Variants in YWHAB observed in about 807,000 individuals in gnomAD.
YWHAB encodes tyrosine 3-monooxygenase/tryptophan 5-monooxygenase activation protein beta, also known as 14-3-3 protein beta/alpha.
Under a neutral mutation model 28.5 loss-of-function variants are expected in YWHAB, and 2 were observed. That is an observed-to-expected ratio of 0.07 (90% confidence interval 0.03 to 0.22). YWHAB has a LOEUF of 0.22. Among genes scored for constraint, YWHAB ranks in the 10% least tolerant of loss-of-function variants. YWHAB has a pLI of 1.00. For synonymous variants in YWHAB, 103 were observed against 104.7 expected (o/e 0.98, Z 0.10); for missense variants, 148 against 297.1 (o/e 0.50, Z 3.69).
At chr20:44,888,636 A>G (rs1446404446) in intron 1 of YWHAB, among the ~76,000 whole-genome samples, 2 of 152,200 alleles carry the variant, frequency 1.3e-5, no homozygotes, top group Admixed American at 6.5e-5. Flanking sequence ...TTTGAATGGG[A>G]ATATTAGCTA....
intron 1 of YWHAB, among the ~76,000 whole-genome samples, chr20:44,890,500 CTT>C (rs35619333): frequency 2.0e-3 from 171 of 86,352 alleles, no homozygotes; most frequent in African/African-American, 6.6e-3. Context: ...TGGATTCCTA[CTT>C]TTTTTTTTTT....
chr20:44,905,325 G>C, intron 4 of YWHAB, 194 bp downstream of exon 4: 2 of 486,448 alleles, frequency 4.1e-6, no homozygotes, highest in East Asian at 7.1e-5. Flanking sequence ...TGCTGACTTT[G>C]TTTGATTACT....
chr20:44,890,077 A>G (rs968099605), intron 1 of YWHAB, among the ~76,000 whole-genome samples: 3 of 152,218 alleles, frequency 2.0e-5, no homozygotes, highest in Admixed American at 6.5e-5. Flanking sequence ...CAGGCCATAA[A>G]TGATGGATGG....
At chr20:44,898,860 T>TA (rs1197114858) in intron 1 of YWHAB, among the ~76,000 whole-genome samples, 1 of 150,672 alleles carries the variant, frequency 6.6e-6, no homozygotes, top group African/African-American at 2.4e-5. Context: ...CTCACACCTG[T>TA]AATTCCAGCA....
chr20:44,888,668 C>T (rs757746592), intron 1 of YWHAB, among the ~76,000 whole-genome samples: 1 of 152,150 alleles, frequency 6.6e-6, no homozygotes, highest in Non-Finnish European at 1.5e-5. Context: ...AGATACAGGA[C>T]AATTTATTGT....
intron 1 of YWHAB, among the ~76,000 whole-genome samples, chr20:44,900,624 C>A (rs895348800): frequency 6.6e-6 from 1 of 152,148 alleles, no homozygotes; most frequent in Non-Finnish European, 1.5e-5. Flanking sequence ...CTTACTCTTT[C>A]CTGTACTATG....
Position 44,895,930 on chromosome 20 carries a change from G to A in YWHAB, c.-3-5601G>A, listed in dbSNP as rs193197528. Among the ~76,000 whole-genome samples the A allele has an allele frequency of 2.0e-5, 3 of 152,278 alleles. No individual in the cohort carries two copies. In the East Asian group the frequency reaches 5.8e-4, roughly 29 times the overall value. The stretch of plus-strand genomic sequence containing the variant: ...CTGCAGTTTTATGCTTACATTTCAG[G>A]ATCAGTTTGTTCATTCAGCAGATAT... On this transcript the variant is annotated intron_variant, in intron 1 of 5. Coordinates refer to ENST00000353703, the MANE Select transcript of YWHAB (RefSeq NM_139323.4).
At position 44,905,041 on chromosome 20, in the gene YWHAB, C is replaced by A. The variant is rs1035934124; in HGVS notation, c.498C>A (p.His166Gln). ...GTAAGAAAGAAATGCAGCCTACACA[C>A]CCAATTCGTCTTGGTCTGGCACTAA... ...EISKKEMQPTHPIRLGLALNF... is the reference protein window; with the variant it reads ...EISKKEMQPTQPIRLGLALNF... The change falls in exon 4 of 6, where the codon CAC becomes CAA. Residue 166 changes from histidine to glutamine, a missense_variant. Physicochemically the swap from His to Gln is conservative, Grantham distance 24 (BLOSUM62 0). Coordinates refer to ENST00000353703, the MANE Select transcript of YWHAB (RefSeq NM_139323.4). The A allele has an allele frequency of 1.9e-6, 3 of 1,613,516 alleles. No individual in the cohort carries two copies. The highest frequency in any genetic ancestry group is 2.2e-5 in the East Asian group (1 of 44,864).
At chr20:44,894,420 A>G (rs755504637) in intron 1 of YWHAB, among the ~76,000 whole-genome samples, 13 of 152,238 alleles carry the variant, frequency 8.5e-5, no homozygotes, top group Non-Finnish European at 1.6e-4. Context: ...TTGGAACAAC[A>G]GTAGGTCTTG....
At chr20:44,888,792 A>G (rs2066543209) in intron 1 of YWHAB, among the ~76,000 whole-genome samples, 1 of 152,224 alleles carries the variant, frequency 6.6e-6, no homozygotes, top group African/African-American at 2.4e-5. Context: ...GGAGAAAGTC[A>G]TCAGTTACTT....
At chr20:44,890,409 T>A (rs2066553518) in intron 1 of YWHAB, among the ~76,000 whole-genome samples, 1 of 152,182 alleles carries the variant, frequency 6.6e-6, no homozygotes, top group Non-Finnish European at 1.5e-5. Flanking sequence ...TTTTCACTTT[T>A]TAAGAATGCA....
At chr20:44,903,888 T>C in intron 2 of YWHAB, 105 bp from the exon 3 acceptor site, 1 of 1,356,644 alleles carries the variant, frequency 7.4e-7, no homozygotes, top group Non-Finnish European at 1.0e-6. Context: ...GTTTTTTTAA[T>C]CTTCCAAAAA....
intron 1 of YWHAB, among the ~76,000 whole-genome samples, chr20:44,896,393 A>G (rs1193326957): frequency 6.6e-6 from 1 of 152,162 alleles, no homozygotes; most frequent in African/African-American, 2.4e-5. Context: ...TGCAGAGTAA[A>G]TTTGGGAAAA....
chr20:44,893,955 C>T (rs2066579718), intron 1 of YWHAB, among the ~76,000 whole-genome samples: 3 of 152,134 alleles, frequency 2.0e-5, no homozygotes, highest in Non-Finnish European at 4.4e-5. Flanking sequence ...CCTTGGCCTC[C>T]CAAAGTGCTG....
intron 1 of YWHAB, among the ~76,000 whole-genome samples, chr20:44,899,431 G>A (rs535548752): frequency 6.6e-6 from 1 of 152,198 alleles, no homozygotes; most frequent in South Asian, 2.1e-4. Flanking sequence ...AGTGAACCGA[G>A]ATCCCACCAC....
intron 1 of YWHAB, among the ~76,000 whole-genome samples, chr20:44,899,814 T>C (rs2145534884): frequency 6.6e-6 from 1 of 152,376 alleles, no homozygotes; most frequent in South Asian, 2.1e-4. Flanking sequence ...CTAGGATTTT[T>C]GTCTATTTCA....
Position 44,907,871 on chromosome 20 carries a change from A to G in YWHAB, c.*1433A>G, listed in dbSNP as rs1393941263. On this transcript the variant is annotated 3_prime_UTR_variant, in exon 6 of 6. Transcript: ENST00000353703. ...ATCAAAAAAGTATTTTTAAATATCC[A>G]TGATTTCTCCCTGTATTGAGGCTAG... 6.6e-6 allele frequency: 1 copy of G among 152,254 alleles called. No individual in the cohort carries two copies. The highest frequency in any genetic ancestry group is 1.5e-5 in the Non-Finnish European group (1 of 68,042). 9.4% of individuals were successfully genotyped at this position (152,254 alleles called of 1,614,324 possible). A position where few individuals can be genotyped will look rare whatever the true frequency, so the allele number is the denominator to read the frequency against.
Position 44,906,485 on chromosome 20 carries a change from A to G in YWHAB, c.*47A>G, listed in dbSNP as rs780912815. 2.9e-6 allele frequency: 4 copies of G among 1,371,158 alleles called. No homozygotes were observed. The highest frequency in any genetic ancestry group is 3.0e-6 in the Non-Finnish European group (3 of 991,616). The allele number at this position is 1,371,158 out of a possible 1,614,324, so 84.9% of individuals were successfully genotyped here. On this transcript the variant is annotated 3_prime_UTR_variant, in exon 6 of 6. Coordinates refer to ENST00000353703, the MANE Select transcript of YWHAB (RefSeq NM_139323.4). ...TGTTCAGTGTCACTCTGTACCCTCA[A>G]CATATATCCCTTGTGCGATAAAAAA...
At position 44,896,705 on chromosome 20, in the gene YWHAB, A is replaced by G. The variant is rs116521121; in HGVS notation, c.-3-4826A>G. On this transcript the variant is annotated intron_variant, in intron 1 of 5. Transcript: ENST00000353703. Reference sequence around the variant, plus strand: ...GACTGAAAGCATTGCCACTAGGGCAAGATTTTGGATGGGAGATTTATTGTA... The same window carrying G: ...GACTGAAAGCATTGCCACTAGGGCAGGATTTTGGATGGGAGATTTATTGTA... Among the ~76,000 whole-genome samples, 1,198 of 152,342 alleles carry G rather than the reference A, an allele frequency of 7.9e-3. 15 individuals are homozygous for G. The highest frequency in any genetic ancestry group is 0.027 in the African/African-American group (1,130 of 41,578).
Sources: gnomAD v4.1 joint callset for allele counts (sites outside exome capture counted in the v4.1 genomes callset) on GRCh38, gnomAD v4.1.1 for gene constraint, MANE v1.5 for transcripts, NCBI Gene and HGNC (gene_info 2026-07-23, HGNC 2026-07-21) for gene names.